Variants in CCDC149 observed in about 807,000 individuals in gnomAD.
The protein encoded by CCDC149 is coiled-coil domain-containing protein 149.
In CCDC149, 45 loss-of-function variants were observed where a neutral mutation model predicts 59.9. The ratio of observed to expected loss-of-function variants is 0.75; its 90% CI spans 0.59 to 0.96. The LOEUF (loss-of-function observed/expected upper bound fraction) is 0.96. Among genes scored for constraint, CCDC149 ranks in the 40% least tolerant of loss-of-function variants. The pLI, the probability that CCDC149 is intolerant of heterozygous loss-of-function variation, is 0.00. For synonymous variants in CCDC149, 245 were observed against 260.6 expected, an observed-to-expected ratio of 0.94 and a Z score of 0.58; for missense variants, 584 against 664.7, an observed-to-expected ratio of 0.88 and a Z score of 1.33.
At chr4:24,806,084 T>A (rs10805251), downstream of CCDC149, 136,527 of 152,212 alleles carry the variant, frequency 0.9, 61,292 homozygotes, top group East Asian at 0.93. Context: ...ACCTTAAACT[T>A]TGATCCTAAA....
chr4:24,807,310 G>C lies in CCDC149; in HGVS notation c.*1079C>G, dbSNP rs1714262574. The stretch of plus-strand genomic sequence containing the variant: ...TTTCCCATCCCTGTATCATGTCCTT[G>C]GTTCCACATCCCCCCTTGCCATGCT... On this transcript the variant is annotated 3_prime_UTR_variant, in exon 13 of 13. Transcript: ENST00000635206. The C allele has an allele frequency of 6.6e-6, 1 of 152,262 alleles. No homozygotes were observed. 9.4% of individuals were successfully genotyped at this position (152,262 alleles called of 1,614,324 possible).
At chr4:24,887,269 G>T (rs1720238954) in intron 1 of CCDC149, among the ~76,000 whole-genome samples, 1 of 126,906 alleles carries the variant, frequency 7.9e-6, no homozygotes, top group Admixed American at 8.7e-5. Flanking sequence ...GGTAGCTGGG[G>T]TGTAGTGGGG....
intron 3 of CCDC149, among the ~76,000 whole-genome samples, chr4:24,856,966 C>T (rs535385449): frequency 3.3e-5 from 5 of 152,370 alleles, no homozygotes; most frequent in South Asian, 2.1e-4. Context: ...GCCAACTGCA[C>T]ATTCAGGTGA....
chr4:24,863,895 G>A (rs1560224262), intron 3 of CCDC149, among the ~76,000 whole-genome samples: 2 of 152,262 alleles, frequency 1.3e-5, no homozygotes, highest in Non-Finnish European at 1.5e-5. Flanking sequence ...GCCAATGGAT[G>A]CAGGACACAG....
At chr4:24,885,638 CAG>C (rs1171223157) in intron 1 of CCDC149, among the ~76,000 whole-genome samples, 2 of 152,214 alleles carry the variant, frequency 1.3e-5, no homozygotes, top group Non-Finnish European at 2.9e-5. Context: ...CAAGGAAAAA[CAG>C]GGAAATATCC....
chr4:24,867,573 C>T (rs1201065658), intron 3 of CCDC149, among the ~76,000 whole-genome samples: 4 of 152,180 alleles, frequency 2.6e-5, no homozygotes, highest in Non-Finnish European at 5.9e-5. Context: ...TTTAGAGCAG[C>T]GGCTCTTAAA....
chr4:24,886,451 A>C (rs1414265482), intron 1 of CCDC149, among the ~76,000 whole-genome samples: 2 of 152,214 alleles, frequency 1.3e-5, no homozygotes, highest in Non-Finnish European at 2.9e-5. Context: ...GATCATGAGG[A>C]GTCTTTGCCT....
intron 1 of CCDC149, among the ~76,000 whole-genome samples, chr4:24,934,714 C>A (rs1722690438): frequency 6.6e-6 from 1 of 152,086 alleles, no homozygotes; most frequent in African/African-American, 2.4e-5. Flanking sequence ...TGAGCCACAG[C>A]AAAGATGGTC....
chr4:24,885,277 A>C (rs1334399692), intron 1 of CCDC149, among the ~76,000 whole-genome samples: 3 of 152,112 alleles, frequency 2.0e-5, no homozygotes, highest in Non-Finnish European at 4.4e-5. Context: ...TTTCATCCTG[A>C]CATCCTGTGG....
At position 24,894,937 on chromosome 4, in the gene CCDC149, C is replaced by T. The variant is rs1324031430; in HGVS notation, c.63+17880G>A. On this transcript the variant is annotated intron_variant, in intron 1 of 12. Coordinates refer to ENST00000635206, the MANE Select transcript of CCDC149 (RefSeq NM_001330643.2). ...TTTCTGATAGTGGGGAAAAATACAGCAGGTATTTATAAAACATAGGCTTAA... is the reference window on the plus strand; with the variant it reads ...TTTCTGATAGTGGGGAAAAATACAGTAGGTATTTATAAAACATAGGCTTAA... 8 of 1,533,082 alleles carry T rather than the reference C, an allele frequency of 5.2e-6. No homozygotes were observed. In the South Asian group the frequency reaches 6.0e-5, roughly 11 times the overall value. 95.0% of individuals were successfully genotyped at this position (1,533,082 alleles called of 1,614,324 possible). A position where few individuals can be genotyped will look rare whatever the true frequency, so the allele number is the denominator to read the frequency against.
chr4:24,913,519 AT>A (rs1387987817), upstream of CCDC149, among the ~76,000 whole-genome samples: 4 of 152,272 alleles, frequency 2.6e-5, no homozygotes, highest in Non-Finnish European at 4.4e-5. Context: ...TTGCTTATAT[AT>A]TTTTTAACGT....
At chr4:24,899,861 C>T (rs1237332481) in intron 1 of CCDC149, among the ~76,000 whole-genome samples, 1 of 152,218 alleles carries the variant, frequency 6.6e-6, no homozygotes, top group Non-Finnish European at 1.5e-5. Flanking sequence ...GCCTAACCAA[C>T]ACCTGATGCT....
At chr4:24,876,433 C>G (rs1408450045) in intron 2 of CCDC149, 103 bp downstream of exon 2, 15 of 1,307,006 alleles carry the variant, frequency 1.1e-5, no homozygotes, top group Non-Finnish European at 1.5e-5. Flanking sequence ...CCACTTTGAA[C>G]TGTTTGCATT....
chr4:24,963,192 C>T (rs1473696368), intron 1 of CCDC149, among the ~76,000 whole-genome samples: 1 of 151,980 alleles, frequency 6.6e-6, no homozygotes, highest in Admixed American at 6.6e-5. Flanking sequence ...GTTAGCAAGG[C>T]CAAGTGTGGA....
chr4:24,914,877 G>T (rs1722079594), upstream of CCDC149, among the ~76,000 whole-genome samples: 1 of 152,174 alleles, frequency 6.6e-6, no homozygotes, highest in Non-Finnish European at 1.5e-5. Flanking sequence ...CAACGGACTG[G>T]CTGGCCAGGA....
chr4:24,837,198 C>A lies in CCDC149; in HGVS notation c.662+30G>T. The A allele has an allele frequency of 6.2e-7, 1 of 1,608,692 alleles. No individual in the cohort carries two copies. The highest frequency in any genetic ancestry group is 8.5e-7 in the Non-Finnish European group (1 of 1,176,124). ...GGCCTGTGCAGAGCCAGCCTTCCTC[C>A]CACGCACAGGCCTGGGCCTGGCCAC... On this transcript the variant is annotated intron_variant, in intron 6 of 12. Transcript: ENST00000635206. This position sits in a 1 kb window ranked among gnomAD's most constrained non-coding sequence, Gnocchi z 4.3.
intron 4 of CCDC149, among the ~76,000 whole-genome samples, chr4:24,839,559 A>G (rs1716810289): frequency 6.6e-6 from 1 of 152,318 alleles, no homozygotes; most frequent in African/African-American, 2.4e-5. Flanking sequence ...TATCCTCAGG[A>G]ATAAAATTGC....
chr4:24,831,626 T>C lies in CCDC149; in HGVS notation c.845A>G (p.His282Arg). 6.2e-7 allele frequency: 1 copy of C among 1,614,110 alleles called. No homozygotes were observed. The highest frequency in any genetic ancestry group is 8.5e-7 in the Non-Finnish European group (1 of 1,180,012). Residue 282 changes from histidine to arginine, a missense_variant, in exon 9 of 13, where the codon CAT becomes CGT. His to Arg is a conservative substitution (Grantham distance 29). Coordinates refer to ENST00000635206, the MANE Select transcript of CCDC149 (RefSeq NM_001330643.2). ...CGGAGTAGCTGGGAGGCTGCATCCA[T>C]GATCCTCAGATAGCAGATCCTGAAC...
At chr4:24,823,220 T>C (rs1038798767) in intron 9 of CCDC149, among the ~76,000 whole-genome samples, 4 of 152,224 alleles carry the variant, frequency 2.6e-5, no homozygotes, top group African/African-American at 9.6e-5. Flanking sequence ...AAAAGAGTTT[T>C]CAGTAATTGC....
Sources: allele counts gnomAD v4.1 joint callset (sites outside exome capture counted in the v4.1 genomes callset), GRCh38; gene constraint gnomAD v4.1.1; non-coding constraint Gnocchi (gnomAD v3.1); transcripts MANE v1.5; gene names NCBI Gene and HGNC (gene_info 2026-07-23, HGNC 2026-07-21).